The following FOXO3B variants were observed in gnomAD, a reference collection of about 807,000 sequenced individuals.
FOXO3B encodes the protein forkhead box protein O3B.
FOXO3B carries 15 observed loss-of-function variants against 21.9 expected under a neutral mutation model. The observed-to-expected ratio is 0.68, with a 90% confidence interval of 0.46 to 1.05. The LOEUF (loss-of-function observed/expected upper bound fraction) is 1.05, where lower values mean the gene tolerates loss of function less well. Among genes scored for constraint, FOXO3B ranks in the 50% least tolerant of loss-of-function variants. The probability of loss-of-function intolerance (pLI) is 0.00; values close to 1 mark genes in which losing one functional copy is unlikely to be tolerated. For synonymous variants in FOXO3B, 135 were observed against 213.6 expected (o/e 0.63, Z 3.21); for missense variants, 293 against 435.5 (o/e 0.67, Z 2.91).
At position 18,682,188 on chromosome 17, in the gene FOXO3B, A is replaced by G. The variant is rs2032599892; in HGVS notation, c.-196+16T>C. On this transcript the variant is annotated intron_variant, in intron 1 of 3. Transcript: ENST00000395675. ...AGGCCGAGCCGAGACGAGAGACATC[A>G]CCACAAGCAACTCACCTCCCATCCC... is the stretch of plus-strand genomic sequence containing the variant. The G allele has an allele frequency of 1.3e-5, 9 of 686,334 alleles. No homozygotes were observed. The highest frequency in any genetic ancestry group is 2.4e-4 in the Middle Eastern group (1 of 4,084). The allele number at this position is 686,334 out of a possible 1,614,324, so 42.5% of individuals were successfully genotyped here.
rs560169727 is a variant in FOXO3B at position 18,671,824 on chromosome 17, C to T, written c.*485G>A. 1.3e-5 allele frequency: 21 copies of T among 1,577,558 alleles called. 1 individual carries two copies. The Admixed American group carries it at 2.7e-4, about 20-fold the overall frequency. ...CATGGTGCCTGCCATGTCAGTCAGC[C>T]GTAGCAGTTCCACCGTGCACGGCTT... On this transcript the variant is annotated 3_prime_UTR_variant, in exon 4 of 4. Transcript: ENST00000395675.
rs200414780 is a variant in FOXO3B, at chr17:18,669,969, CT to C, written c.*2339del. 1.7e-5 allele frequency among the ~76,000 whole-genome samples: 2 copies of C among 118,408 alleles called. No individual in the cohort carries two copies. Among genetic ancestry groups the C allele is most frequent in the South Asian group, 4.7e-4 (2 of 4,282 alleles). 77.7% of individuals were successfully genotyped at this position (118,408 alleles called of 152,430 possible). A position where few individuals can be genotyped will look rare whatever the true frequency, so the allele number is the denominator to read the frequency against. On this transcript the variant is annotated 3_prime_UTR_variant, in exon 4 of 4. Transcript: ENST00000395675. ...TTTTCTTTCTCCTTAAAACTAAACC[CT>C]TTTTGGGTGACATTTGGCAATGAGT... is the stretch of plus-strand genomic sequence containing the variant.
At chr17:18,673,214 G>T (rs924684998) in intron 3 of FOXO3B, among the ~76,000 whole-genome samples, 159 bp from the exon 4 acceptor site, 2 of 151,822 alleles carry the variant, frequency 1.3e-5, no homozygotes, top group African/African-American at 4.9e-5. Context: ...TTTGTTTAAA[G>T]AAAATAATGT....
rs1482594809 is a variant in FOXO3B at position 18,669,500 on chromosome 17, T to C, written c.*2809A>G. On this transcript the variant is annotated 3_prime_UTR_variant, in exon 4 of 4. Transcript: ENST00000395675. The stretch of plus-strand genomic sequence containing the variant: ...TCAGAGCATCGTTATACCAATTTCA[T>C]ATGTACCAAAGGTGGTCCCAACTAT... The C allele has an allele frequency of 1.3e-5, 2 of 152,614 alleles. No individual in the cohort carries two copies. Among genetic ancestry groups the C allele is most frequent in the South Asian group, 2.1e-4 (1 of 4,830 alleles). 9.5% of individuals were successfully genotyped at this position (152,614 alleles called of 1,614,324 possible).
At chr17:18,677,477 C>G (rs570834423) in intron 3 of FOXO3B, 6 of 1,614,142 alleles carry the variant, frequency 3.7e-6, no homozygotes, top group Non-Finnish European at 5.1e-6. Flanking sequence ...AGTCTGCACT[C>G]AACGAGGAGG....
rs569929336 is a variant in FOXO3B, at chr17:18,674,311, C to T, written c.127-1256G>A. Among the ~76,000 whole-genome samples, 580 of 151,914 alleles carry T rather than the reference C, an allele frequency of 3.8e-3. 4 individuals are homozygous for T. Among genetic ancestry groups the T allele is most frequent in the Non-Finnish European group, 6.1e-3 (416 of 67,972 alleles). On this transcript the variant is annotated intron_variant, in intron 3 of 3. Transcript: ENST00000395675. ...ACACTTTTTATACAAACTTTTAAAA[C>T]TAGTTATACACAGTTAAAAATAGGG...
At position 18,670,551 on chromosome 17, in the gene FOXO3B, G is replaced by A. The variant is rs1320162841; in HGVS notation, c.*1758C>T. 3.3e-5 allele frequency among the ~76,000 whole-genome samples: 5 copies of A among 152,160 alleles called. No homozygotes were observed. Among genetic ancestry groups the A allele is most frequent in the Middle Eastern group, 6.3e-3 (2 of 316 alleles). The stretch of plus-strand genomic sequence containing the variant: ...CACTTAAAACATCCCATAAACCATC[G>A]CAATATTAAAACACCACAGAATGGC... On this transcript the variant is annotated 3_prime_UTR_variant, in exon 4 of 4. Transcript: ENST00000395675.
intron 3 of FOXO3B, chr17:18,677,706 A>G: frequency 6.2e-7 from 1 of 1,600,410 alleles, no homozygotes; most frequent in Non-Finnish European, 8.5e-7. Flanking sequence ...GCGCGATAAG[A>G]AGCTGGCGGC....
intron 3 of FOXO3B, among the ~76,000 whole-genome samples, chr17:18,678,102 C>T (rs566650438): frequency 2.6e-5 from 4 of 151,820 alleles, no homozygotes; most frequent in East Asian, 1.9e-4. Context: ...GAAGAAAAAG[C>T]CAGAACAACA....
At chr17:18,677,250 G>T in intron 3 of FOXO3B, 2 of 1,602,744 alleles carry the variant, frequency 1.2e-6, no homozygotes, top group Non-Finnish European at 1.7e-6. Flanking sequence ...AAGTCTACTT[G>T]TATGTATACA....
chr17:18,679,595 G>A (rs1179239499), intron 3 of FOXO3B, among the ~76,000 whole-genome samples: 2 of 152,052 alleles, frequency 1.3e-5, no homozygotes, highest in African/African-American at 4.8e-5. Flanking sequence ...TTACAAGTGC[G>A]CGCCACCACG....
In FOXO3B at chr17:18,677,317, A is replaced by T. The variant is rs2032507155; in HGVS notation, c.126+3424T>A. The stretch of plus-strand genomic sequence containing the variant: ...AAGGACTTCCCTGCCTCCCCACCCA[A>T]GGGCTACTTCCTGACCAAGATCTTC... On this transcript the variant is annotated intron_variant, in intron 3 of 3. Coordinates refer to ENST00000395675, the MANE Select transcript of FOXO3B (RefSeq NM_001368135.1). 1.1e-5 allele frequency: 17 copies of T among 1,613,668 alleles called. No individual in the cohort carries two copies. In the South Asian group the frequency reaches 1.9e-4, roughly 18 times the overall value.
Position 18,680,827 on chromosome 17 carries a change from G to A in FOXO3B, c.40C>T (p.Leu14=). Residue 14 remains leucine, a splice_region_variant and synonymous_variant, in exon 3 of 4, where the codon CTG becomes TTG. Coordinates refer to ENST00000395675, the MANE Select transcript of FOXO3B (RefSeq NM_001368135.1). The part of the protein sequence containing the change: ...DLAEMPEKGV[L]SSQDSPHFQE... ...AAATGGGGAGAATCCTGGGAAGACAGAACTAACGACAAGAAAGCAGTAATG... is the reference window on the plus strand; with the variant it reads ...AAATGGGGAGAATCCTGGGAAGACAAAACTAACGACAAGAAAGCAGTAATG... The A allele has an allele frequency of 2.4e-5, 38 of 1,598,978 alleles. 2 individuals are homozygous for A. Among genetic ancestry groups the A allele is most frequent in the Non-Finnish European group, 3.1e-5 (36 of 1,170,054 alleles).
chr17:18,680,590 G>A (rs1366037928), intron 3 of FOXO3B, 151 bp downstream of exon 3: 3 of 588,184 alleles, frequency 5.1e-6, no homozygotes, highest in Non-Finnish European at 8.8e-6. Context: ...TTTCTTCTGA[G>A]TCCATTAGTC....
In FOXO3B at chr17:18,672,368, T is replaced by A; in HGVS notation, c.814A>T (p.Met272Leu). 2 of 1,612,548 alleles carry A rather than the reference T, an allele frequency of 1.2e-6. No homozygotes were observed. The highest frequency in any genetic ancestry group is 1.3e-5 in the African/African-American group (1 of 74,830). Reference protein sequence around the residue: ...RLTLSQIYEWMVSCVPYFKDK... With the variant: ...RLTLSQIYEWLVSCVPYFKDK... ...TTGAAGTAGGGCACGCAACTCACCA[T>A]CCACTCGTAGATCTGGGACAGAGTG... Residue 272 changes from methionine to leucine, a missense_variant, in exon 4 of 4, where the codon ATG (methionine) becomes TTG (leucine). Around this residue, in one of 2 missense-constraint regions of FOXO3B, gnomAD observed 42 missense variants for 31.5 expected, o/e 1.33. Coordinates refer to ENST00000395675, the MANE Select transcript of FOXO3B (RefSeq NM_001368135.1). This position sits in a 1 kb window ranked among gnomAD's most constrained non-coding sequence, Gnocchi z 4.2.
At chr17:18,682,053 T>A in intron 1 of FOXO3B, 151 bp downstream of exon 1, 1 of 606,512 alleles carries the variant, frequency 1.6e-6, no homozygotes. Flanking sequence ...GAGGAGAGGA[T>A]CAGGCCAGAG....
rs933770024 is a variant in FOXO3B at position 18,669,384 on chromosome 17, T to C, written c.*2925A>G. 1 of 147,564 alleles carries C rather than the reference T, an allele frequency of 6.8e-6. No homozygotes were observed. 9.1% of individuals were successfully genotyped at this position (147,564 alleles called of 1,614,324 possible). A position where few individuals can be genotyped will look rare whatever the true frequency, so the allele number is the denominator to read the frequency against. On this transcript the variant is annotated 3_prime_UTR_variant, in exon 4 of 4. Coordinates refer to ENST00000395675, the MANE Select transcript of FOXO3B (RefSeq NM_001368135.1). ...CATTTTTGTACTGTACATAATAAAA[T>C]ATATTTATACATTTATACGCCTAAT...
At chr17:18,677,480 C>G in intron 3 of FOXO3B, 2 of 1,614,036 alleles carry the variant, frequency 1.2e-6, no homozygotes, top group Non-Finnish European at 1.7e-6. Context: ...CTGCACTCAA[C>G]GAGGAGGCGG....
At chr17:18,678,010 T>A (rs930051915) in intron 3 of FOXO3B, among the ~76,000 whole-genome samples, 1 of 151,072 alleles carries the variant, frequency 6.6e-6, no homozygotes, top group Non-Finnish European at 1.5e-5. Context: ...AAAGACATTA[T>A]GAGGAAAAAT....
Sources: gnomAD v4.1 joint callset for allele counts (sites outside exome capture counted in the v4.1 genomes callset) on GRCh38, gnomAD v4.1.1 for gene constraint, gnomAD v4.1.1 regional missense constraint, Gnocchi (gnomAD v3.1) non-coding constraint, MANE v1.5 for transcripts, NCBI Gene and HGNC (gene_info 2026-07-23, HGNC 2026-07-21) for gene names.